The following STIL variants were observed in gnomAD, a reference collection of about 807,000 sequenced individuals.
STIL encodes SCL-interrupting locus protein.
STIL carries 55 observed loss-of-function variants against 110.1 expected under a neutral mutation model. The ratio of observed to expected loss-of-function variants is 0.50; its 90% CI spans 0.40 to 0.63. The LOEUF (loss-of-function observed/expected upper bound fraction) is 0.63, where lower values mean the gene tolerates loss of function less well. Among genes scored for constraint, STIL ranks in the 20% least tolerant of loss-of-function variants. The probability of loss-of-function intolerance (pLI) is 0.00; values close to 1 mark genes in which losing one functional copy is unlikely to be tolerated. For missense variants in STIL, 1,358 were observed against 1,530.0 expected, an observed-to-expected ratio of 0.89 and a Z score of 1.87; for synonymous variants, 481 against 530.0, an observed-to-expected ratio of 0.91 and a Z score of 1.27.
At chr1:47,279,315 G>A (rs964351970) in intron 12 of STIL, among the ~76,000 whole-genome samples, 3 of 150,454 alleles carry the variant, frequency 2.0e-5, no homozygotes, top group Non-Finnish European at 4.4e-5. Flanking sequence ...ACGTATATAT[G>A]CACATTACAC....
chr1:47,290,347 A>T (rs908989673), intron 8 of STIL, among the ~76,000 whole-genome samples: 1 of 152,246 alleles, frequency 6.6e-6, no homozygotes, highest in East Asian at 1.9e-4. Flanking sequence ...TATCATCAAT[A>T]TGTGTTTCTC....
chr1:47,303,847 T>C (rs959248828), intron 3 of STIL, among the ~76,000 whole-genome samples: 1 of 152,206 alleles, frequency 6.6e-6, no homozygotes, highest in Non-Finnish European at 1.5e-5. Context: ...CATCAAATAC[T>C]ACAAATTATT....
chr1:47,278,026 C>T (rs568790420), intron 12 of STIL, among the ~76,000 whole-genome samples: 1 of 152,122 alleles, frequency 6.6e-6, no homozygotes, highest in South Asian at 2.1e-4. Flanking sequence ...TTAACCCTTA[C>T]ACCAAAATGA....
At position 47,250,988 on chromosome 1, in the gene STIL, A is replaced by ATC; in HGVS notation, c.*146_*147dup. The stretch of plus-strand genomic sequence containing the variant: ...AACTTAGTCCTATCACCAGCCAGCC[A>ATC]TCTCACAGAAGTCACTCTTCCCAAT... On this transcript the variant is annotated 3_prime_UTR_variant, in exon 17 of 17. Coordinates refer to ENST00000371877, the MANE Select transcript of STIL (RefSeq NM_001048166.1). 1 of 695,122 alleles carries ATC rather than the reference A, an allele frequency of 1.4e-6. No individual in the cohort carries two copies. 43.1% of individuals were successfully genotyped at this position (695,122 alleles called of 1,614,324 possible).
intron 12 of STIL, among the ~76,000 whole-genome samples, chr1:47,279,746 C>CAAAA (rs1369014374): frequency 6.0e-5 from 7 of 116,194 alleles, no homozygotes; most frequent in African/African-American, 2.2e-4. Context: ...AAAAAAAAAA[C>CAAAA]AACAAAAAAC....
intron 7 of STIL, among the ~76,000 whole-genome samples, chr1:47,294,738 T>TC (rs1645593473): frequency 1.3e-5 from 2 of 152,202 alleles, no homozygotes; most frequent in African/African-American, 2.4e-5. Context: ...CATTAATTAC[T>TC]ACTCTAAAGA....
rs1466983512 is a variant in STIL at position 47,263,086 on chromosome 1, A to AG, written c.2645dup (p.Asp883Ter). 1 of 1,614,202 alleles carries AG rather than the reference A, an allele frequency of 6.2e-7. No individual in the cohort carries two copies. Among genetic ancestry groups the AG allele is most frequent in the Non-Finnish European group, 8.5e-7 (1 of 1,180,028 alleles). On this transcript the variant is annotated frameshift_variant, in exon 15 of 17. Coordinates refer to ENST00000371877, the MANE Select transcript of STIL (RefSeq NM_001048166.1). LOFTEE classifies it high-confidence loss of function. Reference sequence around the variant, plus strand: ...CACTTGGAAAGAACACAGGTACATCAGGTTCTTTTCTCACAACTAGAGAAG... The same window carrying AG: ...CACTTGGAAAGAACACAGGTACATCAGGGTTCTTTTCTCACAACTAGAGAAG...
At chr1:47,287,407 G>T in intron 10 of STIL, 144 bp downstream of exon 10, 1 of 582,136 alleles carries the variant, frequency 1.7e-6, no homozygotes. Context: ...GAATATGAAG[G>T]AATGCATTTA....
At chr1:47,281,302 T>A in intron 11 of STIL, 93 bp from the exon 12 acceptor site, 1 of 1,230,448 alleles carries the variant, frequency 8.1e-7, no homozygotes, top group Non-Finnish European at 1.1e-6. Flanking sequence ...AAATTATATC[T>A]AATTACATAT....
chr1:47,280,888 G>C lies in STIL; in HGVS notation c.1570C>G (p.Pro524Ala). 1.2e-6 allele frequency: 2 copies of C among 1,614,180 alleles called. No homozygotes were observed. The highest frequency in any genetic ancestry group is 8.5e-7 in the Non-Finnish European group (1 of 1,180,030). The change falls in exon 12 of 17, where the codon CCA (proline) becomes GCA (alanine). Residue 524 changes from proline to alanine, a missense_variant. By Grantham distance (27) the Pro-to-Ala change is conservative. Coordinates refer to ENST00000371877, the MANE Select transcript of STIL (RefSeq NM_001048166.1). ...TGAGATGGCCCATTATGAGAAGATGGTTTAATACTGTTCCTGGTATGGGGG... is the reference window on the plus strand; with the variant it reads ...TGAGATGGCCCATTATGAGAAGATGCTTTAATACTGTTCCTGGTATGGGGG... ...GNPHTRNSIK[P>A]SSHNGPSHDI...
chr1:47,282,232 A>C, intron 11 of STIL, 113 bp downstream of exon 11: 1 of 718,842 alleles, frequency 1.4e-6, no homozygotes, highest in Non-Finnish European at 2.5e-6. Context: ...AGAAATAGCT[A>C]GATATATCTA....
intron 16 of STIL, among the ~76,000 whole-genome samples, chr1:47,255,725 A>G (rs1200021567): frequency 2.0e-5 from 3 of 152,216 alleles, no homozygotes; most frequent in Non-Finnish European, 4.4e-5. Context: ...AAGTCACTCC[A>G]ATTGGGAATA....
intron 8 of STIL, among the ~76,000 whole-genome samples, chr1:47,290,518 C>A (rs1231225583): frequency 2.0e-5 from 3 of 151,950 alleles, no homozygotes; most frequent in Non-Finnish European, 4.4e-5. Context: ...ATCCTGGCTA[C>A]CACAGTGAAA....
intron 16 of STIL, among the ~76,000 whole-genome samples, chr1:47,253,436 C>T (rs11211490): frequency 0.26 from 39,363 of 152,022 alleles, 5,429 homozygotes; most frequent in Non-Finnish European, 0.31. Context: ...GCAGTATCCT[C>T]GATGCCTGGA....
At chr1:47,273,520 T>C (rs562287632) in intron 12 of STIL, among the ~76,000 whole-genome samples, 1 of 152,376 alleles carries the variant, frequency 6.6e-6, no homozygotes, top group South Asian at 2.1e-4. Context: ...GTTGCAGCAT[T>C]TACTAATACT....
intron 16 of STIL, among the ~76,000 whole-genome samples, chr1:47,258,992 C>CTTTTTTTTTT (rs549227243): frequency 0.019 from 1,767 of 94,238 alleles, 411 homozygotes; most frequent in African/African-American, 0.077. Context: ...AGTAACTTTG[C>CTTTTTTTTTT]TTTTTTTTTT....
Position 47,306,950 on chromosome 1 carries a change from G to A in STIL, c.45-1954C>T, listed in dbSNP as rs147946242. 8.0e-3 allele frequency among the ~76,000 whole-genome samples: 1,215 copies of A among 152,292 alleles called. 13 individuals carry two copies. Among genetic ancestry groups the A allele is most frequent in the African/African-American group, 0.027 (1,139 of 41,578 alleles). ...GTGGATCACTTGAGGCCTGCAGTTCGAGACCAGCCTGGCCAACATGGTGAA... is the reference window on the plus strand; with the variant it reads ...GTGGATCACTTGAGGCCTGCAGTTCAAGACCAGCCTGGCCAACATGGTGAA... On this transcript the variant is annotated intron_variant, in intron 2 of 16. Transcript: ENST00000371877.
At position 47,258,992 on chromosome 1, in the gene STIL, C is replaced by CTTT. The variant is rs549227243; in HGVS notation, c.3080+1294_3080+1296dup. ...GAAATGGTTAAGAGAAGTAACTTTG[C>CTTT]TTTTTTTTTTTTTTGAGACAGTCTT... On this transcript the variant is annotated intron_variant, in intron 16 of 16. Transcript: ENST00000371877. Among the ~76,000 whole-genome samples the CTTT allele has an allele frequency of 7.4e-5, 7 of 94,424 alleles. 2 individuals are homozygous for CTTT. Among genetic ancestry groups the CTTT allele is most frequent in the African/African-American group, 3.2e-4 (7 of 21,784 alleles). 61.9% of individuals were successfully genotyped at this position (94,424 alleles called of 152,430 possible).
chr1:47,251,228 G>C lies in STIL; in HGVS notation c.3775C>G (p.Pro1259Ala), dbSNP rs897307734. ...TTCATCTGCTTTAGCGTTTCAGAAGGTTGCAAACTTTCAGGAAAAATTGTA... is the reference window on the plus strand; with the variant it reads ...TTCATCTGCTTTAGCGTTTCAGAAGCTTGCAAACTTTCAGGAAAAATTGTA... ...DITIFPESLQ[P>A]SETLKQMNSM... Residue 1259 changes from proline to alanine, a missense_variant, in exon 17 of 17, where the codon CCT (proline) becomes GCT (alanine). Transcript: ENST00000371877. 3.1e-6 allele frequency: 5 copies of C among 1,611,214 alleles called. No individual in the cohort carries two copies. In the Admixed American group the frequency reaches 8.4e-5, roughly 27 times the overall value.
Sources: allele counts gnomAD v4.1 joint callset (sites outside exome capture counted in the v4.1 genomes callset), GRCh38; gene constraint gnomAD v4.1.1; transcripts MANE v1.5; gene names NCBI Gene and HGNC (gene_info 2026-07-23, HGNC 2026-07-21).